PEBP4: variants seen among roughly 807,000 people sequenced by gnomAD.
PEBP4 encodes the protein phosphatidylethanolamine-binding protein 4.
PEBP4 carries 22 observed loss-of-function variants against 23.9 expected under a neutral mutation model. The ratio of observed to expected loss-of-function variants is 0.92; its 90% CI spans 0.66 to 1.31. The LOEUF is 1.31. Ranked by LOEUF, PEBP4 falls within the 40% of genes most tolerant of loss-of-function variation. PEBP4 has a pLI of 0.00. For synonymous variants in PEBP4, 112 were observed against 99.3 expected (o/e 1.13, Z -0.76); for missense variants, 324 against 281.7 (o/e 1.15, Z -1.07).
At chr8:22,846,696 C>T (rs1032574822) in intron 3 of PEBP4, among the ~76,000 whole-genome samples, 4 of 152,170 alleles carry the variant, frequency 2.6e-5, no homozygotes, top group East Asian at 1.9e-4. Flanking sequence ...CCACTGGGCC[C>T]GGAGTCTCCA....
chr8:22,834,277 G>T (rs1362521086), intron 3 of PEBP4, among the ~76,000 whole-genome samples: 1 of 152,240 alleles, frequency 6.6e-6, no homozygotes, highest in Non-Finnish European at 1.5e-5. Context: ...TCCTGGGGGA[G>T]GTTGAGTGTA....
At chr8:22,915,437 CTCCCATCTGTCCCTTGCTGGG>C (rs1809052781) in intron 3 of PEBP4, among the ~76,000 whole-genome samples, 1 of 149,574 alleles carries the variant, frequency 6.7e-6, no homozygotes, top group African/African-American at 2.4e-5. Flanking sequence ...ACCATCCTGG[CTCCCATCTGTCCCTTGCTGGG>C]TCCCGGCTCA....
At chr8:22,780,923 A>C (rs1298614511) in intron 4 of PEBP4, among the ~76,000 whole-genome samples, 35 of 152,148 alleles carry the variant, frequency 2.3e-4, no homozygotes, top group Admixed American at 2.3e-3. Context: ...TTCTTAGTGA[A>C]TCACCCCAAC....
chr8:22,898,439 A>C, intron 3 of PEBP4, among the ~76,000 whole-genome samples: 1 of 134,942 alleles, frequency 7.4e-6, no homozygotes, highest in South Asian at 2.4e-4. Flanking sequence ...AAACCCACCC[A>C]GTCTATGGTA....
At chr8:22,771,922 G>T (rs1322207585) in intron 4 of PEBP4, among the ~76,000 whole-genome samples, 2 of 152,254 alleles carry the variant, frequency 1.3e-5, no homozygotes, top group African/African-American at 4.8e-5. Context: ...TCAGCACAGT[G>T]CCTATGGGGT....
At chr8:22,807,286 T>C (rs1563222429) in intron 4 of PEBP4, among the ~76,000 whole-genome samples, 1 of 152,086 alleles carries the variant, frequency 6.6e-6, no homozygotes, top group Non-Finnish European at 1.5e-5. Flanking sequence ...TCTGAGACAA[T>C]AGAAGCAGAT....
chr8:22,786,824 CT>C (rs112542901), intron 4 of PEBP4, among the ~76,000 whole-genome samples: 27,563 of 142,066 alleles, frequency 0.19, 2,594 homozygotes, highest in South Asian at 0.33. Context: ...CCCCCTACCG[CT>C]TTTTTTTTTT....
intron 3 of PEBP4, among the ~76,000 whole-genome samples, chr8:22,913,134 C>T (rs866802604): frequency 2.0e-5 from 3 of 152,172 alleles, no homozygotes; most frequent in Admixed American, 6.5e-5. Context: ...GTTAGGTGCT[C>T]GGCACCAAAT....
intron 3 of PEBP4, among the ~76,000 whole-genome samples, chr8:22,882,723 A>G (rs1808290063): frequency 6.6e-6 from 1 of 152,168 alleles, no homozygotes; most frequent in Non-Finnish European, 1.5e-5. Context: ...CTCCTCTGTG[A>G]GAACAATTTG....
intron 3 of PEBP4, among the ~76,000 whole-genome samples, chr8:22,898,494 T>C (rs535475753): frequency 1.2e-4 from 18 of 146,412 alleles, no homozygotes; most frequent in Non-Finnish European, 2.4e-4. Context: ...CAGAAAATGG[T>C]CACTCAATCC....
chr8:22,924,950 C>A, intron 2 of PEBP4: 1 of 985,308 alleles, frequency 1.0e-6, no homozygotes, highest in Non-Finnish European at 1.2e-6. Context: ...GGCATTGAGT[C>A]CAATCTTTAA....
chr8:22,776,095 T>C (rs1355966940), intron 4 of PEBP4, among the ~76,000 whole-genome samples: 1 of 152,100 alleles, frequency 6.6e-6, no homozygotes, highest in Non-Finnish European at 1.5e-5. Flanking sequence ...ACCCTCCCCT[T>C]CTTCATCTCT....
intron 3 of PEBP4, among the ~76,000 whole-genome samples, chr8:22,898,642 C>T (rs973955886): frequency 3.9e-5 from 6 of 152,300 alleles, no homozygotes; most frequent in Admixed American, 2.0e-4. Context: ...GCCCTGCACA[C>T]CCAAGTGAAA....
chr8:22,939,765 C>A (rs922173847), intron 1 of PEBP4, among the ~76,000 whole-genome samples: 1 of 151,938 alleles, frequency 6.6e-6, no homozygotes, highest in Non-Finnish European at 1.5e-5. Context: ...TGAGATAAAC[C>A]CAGCTCTGAC....
chr8:22,860,239 A>G lies in PEBP4; in HGVS notation c.259-42504T>C, dbSNP rs559143500. Among the ~76,000 whole-genome samples the G allele has an allele frequency of 4.9e-5, 4 of 81,350 alleles. No individual in the cohort carries two copies. The Admixed American group carries it at 5.1e-4, about 10-fold the overall frequency. The allele number at this position is 81,350 out of a possible 152,430, so 53.4% of individuals were successfully genotyped here. On this transcript the variant is annotated intron_variant, in intron 3 of 6. Transcript: ENST00000256404. The stretch of plus-strand genomic sequence containing the variant: ...ATGTATATATATATATGGTGCCAGA[A>G]TACACATATCATGCAATTTGCCATC...
chr8:22,850,114 G>A lies in PEBP4; in HGVS notation c.259-32379C>T, dbSNP rs372737380. 5.6e-3 allele frequency among the ~76,000 whole-genome samples: 770 copies of A among 137,916 alleles called. 4 individuals are homozygous for A. Among genetic ancestry groups the A allele is most frequent in the African/African-American group, 0.018 (670 of 37,676 alleles). The allele number at this position is 137,916 out of a possible 152,430, so 90.5% of individuals were successfully genotyped here. ...AGGAAGATATCATCCTACTCTTTAA[G>A]AAAAAAAAAAAAAATCCGTGGCTTA... On this transcript the variant is annotated intron_variant, in intron 3 of 6. Transcript: ENST00000256404.
chr8:22,736,746 A>G (rs1804868683), intron 4 of PEBP4, among the ~76,000 whole-genome samples: 1 of 152,264 alleles, frequency 6.6e-6, no homozygotes, highest in Non-Finnish European at 1.5e-5. Flanking sequence ...AGCTTTTGAT[A>G]TCAACCTCAG....
chr8:22,899,439 G>A lies in PEBP4; in HGVS notation c.258+20745C>T, dbSNP rs534560301. 1.1e-3 allele frequency among the ~76,000 whole-genome samples: 172 copies of A among 152,294 alleles called. No individual in the cohort carries two copies. In the South Asian group the frequency reaches 0.011, roughly 10 times the overall value. The stretch of plus-strand genomic sequence containing the variant: ...GCTGAGCCTCCAAAATCATTAATTC[G>A]GAAAAGCCACACATGAAAAGGAACC... On this transcript the variant is annotated intron_variant, in intron 3 of 6. Transcript: ENST00000256404.
chr8:22,853,153 G>A (rs1468868950), intron 3 of PEBP4, among the ~76,000 whole-genome samples: 2 of 152,198 alleles, frequency 1.3e-5, no homozygotes, highest in South Asian at 2.1e-4. Flanking sequence ...CGTAGAACAC[G>A]GAGGCTTCAT....
Sources: gnomAD v4.1 joint callset for allele counts (sites outside exome capture counted in the v4.1 genomes callset) on GRCh38, gnomAD v4.1.1 for gene constraint, MANE v1.5 for transcripts, NCBI Gene and HGNC (gene_info 2026-07-23, HGNC 2026-07-21) for gene names.